The following NEMP2 variants were observed in gnomAD, a reference collection of about 807,000 sequenced individuals.
The protein encoded by NEMP2 is nuclear envelope integral membrane protein 2, also known as UPF0571 transmembrane protein.
Under a neutral mutation model 54.2 loss-of-function variants are expected in NEMP2, and 53 were observed. That is an observed-to-expected ratio of 0.98 (90% CI 0.78 to 1.23). NEMP2 has a LOEUF of 1.23. Ranked by LOEUF, NEMP2 falls within the 50% of genes most tolerant of loss-of-function variation. The pLI, the probability that NEMP2 is intolerant of heterozygous loss-of-function variation, is 0.00. For synonymous variants in NEMP2, 197 were observed against 190.3 expected (o/e 1.04, Z -0.29); for missense variants, 455 against 511.3 (o/e 0.89, Z 1.06).
chr2:190,599,898 G>C, the NEMP2 span, among the ~76,000 whole-genome samples: 3 of 152,044 alleles, frequency 2.0e-5, no homozygotes, highest in African/African-American at 7.3e-5. Flanking sequence ...CCCTCACCTG[G>C]GAGGACTATC....
the NEMP2 span, among the ~76,000 whole-genome samples, chr2:190,582,194 C>T: frequency 6.6e-6 from 1 of 152,140 alleles, no homozygotes; most frequent in African/African-American, 2.4e-5. This position sits in a 1 kb window ranked among gnomAD's most constrained non-coding sequence, Gnocchi z 4.6. Context: ...CACTCGGGAA[C>T]CATAAGCTGA....
chr2:190,574,762 C>G, the NEMP2 span, among the ~76,000 whole-genome samples: 3 of 129,124 alleles, frequency 2.3e-5, no homozygotes, highest in East Asian at 6.2e-4. Flanking sequence ...CTATTTCCTT[C>G]CTTCCCTCCC....
chr2:190,562,320 C>A, the NEMP2 span, among the ~76,000 whole-genome samples: 104 of 152,306 alleles, frequency 6.8e-4, no homozygotes, highest in African/African-American at 2.3e-3. This position sits in a 1 kb window ranked among gnomAD's most constrained non-coding sequence, Gnocchi z 5.0. Flanking sequence ...CTCCCATCTG[C>A]CCATAGATAT....
chr2:190,641,716 T>C, the NEMP2 span, among the ~76,000 whole-genome samples: 1 of 152,216 alleles, frequency 6.6e-6, no homozygotes, highest in Non-Finnish European at 1.5e-5. Flanking sequence ...GAGTGGACCG[T>C]AGCCAGTGTG....
At chr2:190,434,230 C>T in the NEMP2 span, among the ~76,000 whole-genome samples, 3 of 151,044 alleles carry the variant, frequency 2.0e-5, no homozygotes, top group Non-Finnish European at 2.9e-5. This position sits in a 1 kb window ranked among gnomAD's most constrained non-coding sequence, Gnocchi z 4.3. Flanking sequence ...GGAATTAACA[C>T]ATATTTAATG....
At chr2:190,583,120 A>C in the NEMP2 span, among the ~76,000 whole-genome samples, 909 of 152,286 alleles carry the variant, frequency 6.0e-3, 12 homozygotes, top group African/African-American at 0.021. Flanking sequence ...AATCTATTAA[A>C]TGTCATACTT....
intron 1 of NEMP2, among the ~76,000 whole-genome samples, chr2:190,526,922 A>G (rs1250870850): frequency 6.6e-6 from 1 of 152,072 alleles, no homozygotes; most frequent in Non-Finnish European, 1.5e-5. Flanking sequence ...ATATATATTA[A>G]CCCTCTGTGT....
chr2:190,618,731 C>T, the NEMP2 span, among the ~76,000 whole-genome samples: 1 of 152,180 alleles, frequency 6.6e-6, no homozygotes, highest in Non-Finnish European at 1.5e-5. Context: ...TGGCACGTTT[C>T]ACCAAGCCCA....
chr2:190,575,159 CTG>C, the NEMP2 span, among the ~76,000 whole-genome samples: 5 of 151,962 alleles, frequency 3.3e-5, no homozygotes, highest in Admixed American at 2.6e-4. Context: ...CCAGCCGACT[CTG>C]TTTCTTTTTA....
chr2:190,634,131 AC>A, the NEMP2 span, among the ~76,000 whole-genome samples: 2 of 152,326 alleles, frequency 1.3e-5, no homozygotes, highest in East Asian at 3.9e-4. The surrounding 1 kb of genome is among the most constrained non-coding windows in gnomAD (Gnocchi z 6.8). Flanking sequence ...ACTATTTCAA[AC>A]TTTTCTTAAA....
At chr2:190,424,591 A>G in the NEMP2 span, among the ~76,000 whole-genome samples, 2 of 152,084 alleles carry the variant, frequency 1.3e-5, no homozygotes, top group Non-Finnish European at 2.9e-5. This position sits in a 1 kb window ranked among gnomAD's most constrained non-coding sequence, Gnocchi z 5.9. Flanking sequence ...CACCTCGGCC[A>G]CCAAAGTGCT....
chr2:190,609,343 G>A, the NEMP2 span: 1 of 152,212 alleles, frequency 6.6e-6, no homozygotes, highest in East Asian at 1.9e-4. This position sits in a 1 kb window ranked among gnomAD's most constrained non-coding sequence, Gnocchi z 4.7. Flanking sequence ...GGGTCTAGGT[G>A]CTGGGGTGAT....
At chr2:190,575,992 T>G in the NEMP2 span, among the ~76,000 whole-genome samples, 2 of 151,810 alleles carry the variant, frequency 1.3e-5, no homozygotes, top group African/African-American at 4.8e-5. Flanking sequence ...TTTTTTTTTT[T>G]GAGGCAGGGT....
At chr2:190,538,535 C>CTTCCATATAGT, upstream of NEMP2, among the ~76,000 whole-genome samples, 1 of 152,116 alleles carries the variant, frequency 6.6e-6, no homozygotes, top group Middle Eastern at 3.4e-3. This position sits in a 1 kb window ranked among gnomAD's most constrained non-coding sequence, Gnocchi z 4.1. Flanking sequence ...TTTTGAGAAA[C>CTTCCATATAGT]TTCCATATAG....
rs1009072223 is a variant in NEMP2, at chr2:190,512,990, C to T, written c.953+1463G>A. Among the ~76,000 whole-genome samples the T allele has an allele frequency of 4.6e-5, 7 of 152,150 alleles. No homozygotes were observed. The highest frequency in any genetic ancestry group is 7.2e-5 in the African/African-American group (3 of 41,426). ...CTCACAGCCAATTTTACCTCTTGAA[C>T]ATTTATTCACTCCCTCTTCTAGCCT... is the stretch of plus-strand genomic sequence containing the variant. On this transcript the variant is annotated intron_variant, in intron 7 of 8. Coordinates refer to ENST00000409150, the MANE Select transcript of NEMP2 (RefSeq NM_001142645.2). The surrounding 1 kb of genome is among the most constrained non-coding windows in gnomAD (Gnocchi z 4.5).
chr2:190,474,710 A>G, the NEMP2 span, among the ~76,000 whole-genome samples: 21 of 152,372 alleles, frequency 1.4e-4, no homozygotes, highest in Middle Eastern at 3.4e-3. Context: ...TCCCTAACTC[A>G]TTTTATGAGG....
At chr2:190,647,600 G>A in the NEMP2 span, among the ~76,000 whole-genome samples, 1 of 151,650 alleles carries the variant, frequency 6.6e-6, no homozygotes, top group Non-Finnish European at 1.5e-5. Context: ...AGAACACAAT[G>A]CTAAAATTCT....
chr2:190,526,186 C>T (rs1690929120), intron 1 of NEMP2, among the ~76,000 whole-genome samples: 1 of 152,058 alleles, frequency 6.6e-6, no homozygotes, highest in African/African-American at 2.4e-5. Flanking sequence ...ACTGGGAAGA[C>T]AGTAGTCTAA....
rs1200549389 is a variant in NEMP2, at chr2:190,505,880, G to A, written c.*3309C>T. On this transcript the variant is annotated 3_prime_UTR_variant, in exon 9 of 9. Coordinates refer to ENST00000409150, the MANE Select transcript of NEMP2 (RefSeq NM_001142645.2). The surrounding 1 kb of genome is among the most constrained non-coding windows in gnomAD (Gnocchi z 5.8). ...CCCATTAACAAGGCTAGCCCCACTG[G>A]GGTGGGGGGTGGCATCTGCATCAAA... is the stretch of plus-strand genomic sequence containing the variant. 6.6e-6 allele frequency: 1 copy of A among 152,166 alleles called. No individual in the cohort carries two copies. Among genetic ancestry groups the A allele is most frequent in the Non-Finnish European group, 1.5e-5 (1 of 68,026 alleles). 9.4% of individuals were successfully genotyped at this position (152,166 alleles called of 1,614,324 possible).
Sources: gnomAD v4.1 joint callset for allele counts (sites outside exome capture counted in the v4.1 genomes callset) on GRCh38, gnomAD v4.1.1 for gene constraint, Gnocchi (gnomAD v3.1) non-coding constraint, MANE v1.5 for transcripts, NCBI Gene and HGNC (gene_info 2026-07-23, HGNC 2026-07-21) for gene names.